The following DSTN variants were observed in gnomAD, a reference collection of about 807,000 sequenced individuals.
The protein encoded by DSTN is destrin, actin depolymerizing factor, also known as destrin.
DSTN carries 10 observed loss-of-function variants against 16.8 expected under a neutral mutation model. The ratio of observed to expected loss-of-function variants is 0.60; its 90% confidence interval spans 0.37 to 1.01. DSTN has a LOEUF of 1.01. DSTN is among the 50% of genes least tolerant of loss of function. The pLI, the probability that DSTN is intolerant of heterozygous loss-of-function variation, is 0.01. For missense variants in DSTN, 141 were observed against 196.7 expected (o/e 0.72, Z 1.69); for synonymous variants, 57 against 58.9 (o/e 0.97, Z 0.14).
intron 1 of DSTN, among the ~76,000 whole-genome samples, chr20:17,574,876 T>G (rs1418867015): frequency 4.7e-5 from 6 of 128,864 alleles, no homozygotes; most frequent in African/African-American, 1.5e-4. Context: ...TTTTGTTTTT[T>G]TTTTTTTTTT....
chr20:17,580,115 T>C (rs1426396655), intron 1 of DSTN, among the ~76,000 whole-genome samples: 1 of 152,236 alleles, frequency 6.6e-6, no homozygotes, highest in East Asian at 1.9e-4. Flanking sequence ...TTCTTTAATA[T>C]TATTTTACTT....
intron 1 of DSTN, among the ~76,000 whole-genome samples, chr20:17,592,381 G>T (rs991092918): frequency 6.8e-6 from 1 of 147,418 alleles, no homozygotes; most frequent in African/African-American, 2.5e-5. Context: ...AGTGAGCCAT[G>T]ATCACATCAC....
chr20:17,604,565 C>G lies in DSTN; in HGVS notation c.322C>G (p.Leu108Val), dbSNP rs777528351. 2 of 1,611,794 alleles carry G rather than the reference C, an allele frequency of 1.2e-6. No homozygotes were observed. Among genetic ancestry groups the G allele is most frequent in the Non-Finnish European group, 1.7e-6 (2 of 1,179,508 alleles). ...ELMFFLWAPE[L>V]APLKSKMIYA... ...CATCTTTCTATCTAGGGCACCAGAA[C>G]TAGCACCTCTGAAAAGTAAAATGAT... The change falls in exon 3 of 4, where the codon CTA (leucine) becomes GTA (valine). Residue 108 changes from leucine (L) to valine (V), a missense_variant. By Grantham distance (32) the Leu-to-Val change is conservative (BLOSUM62 1). Transcript: ENST00000246069.
chr20:17,570,159 C>A lies in DSTN; in HGVS notation c.-50C>A. The A allele has an allele frequency of 6.6e-7, 1 of 1,517,030 alleles. No homozygotes were observed. The highest frequency in any genetic ancestry group is 8.8e-7 in the Non-Finnish European group (1 of 1,136,648). 94.0% of individuals were successfully genotyped at this position (1,517,030 alleles called of 1,614,324 possible). On this transcript the variant is annotated 5_prime_UTR_variant, in exon 1 of 4. Coordinates refer to ENST00000246069, the MANE Select transcript of DSTN (RefSeq NM_006870.4). ...CCGTGAGGAGGACGGTCTGCATACT[C>A]GCTGCCCGCCGGCTCCCTCCCCCGC...
At chr20:17,597,672 G>A (rs537823903) in intron 1 of DSTN, among the ~76,000 whole-genome samples, 2 of 152,244 alleles carry the variant, frequency 1.3e-5, no homozygotes, top group Non-Finnish European at 2.9e-5. Flanking sequence ...TCCTAAGTGC[G>A]AACACATGGT....
At chr20:17,587,822 G>C (rs1396266382) in intron 1 of DSTN, among the ~76,000 whole-genome samples, 1 of 151,904 alleles carries the variant, frequency 6.6e-6, no homozygotes, top group Non-Finnish European at 1.5e-5. Flanking sequence ...ATACTACTTT[G>C]GTATTAACAG....
chr20:17,595,948 G>A (rs1210790330), intron 1 of DSTN, among the ~76,000 whole-genome samples: 1 of 151,658 alleles, frequency 6.6e-6, no homozygotes, highest in East Asian at 1.9e-4. Flanking sequence ...TTTCTTCATT[G>A]TTAACCATCT....
At chr20:17,579,586 C>G (rs1037418378) in intron 1 of DSTN, among the ~76,000 whole-genome samples, 18 of 151,872 alleles carry the variant, frequency 1.2e-4, no homozygotes, top group African/African-American at 4.1e-4. Context: ...CTGATCCCCC[C>G]AAAAAAAGCA....
chr20:17,602,269 AG>A (rs1173005212), intron 2 of DSTN, among the ~76,000 whole-genome samples: 3 of 152,212 alleles, frequency 2.0e-5, no homozygotes, highest in Non-Finnish European at 4.4e-5. Context: ...ATTTGAATGA[AG>A]GTGCATTTAC....
At chr20:17,593,062 C>T (rs2035487288) in intron 1 of DSTN, among the ~76,000 whole-genome samples, 1 of 152,216 alleles carries the variant, frequency 6.6e-6, no homozygotes, top group Non-Finnish European at 1.5e-5. Flanking sequence ...CTGTTGGAGG[C>T]CTTTTCCATC....
In DSTN at chr20:17,578,696, C is replaced by T. The variant is rs150326657; in HGVS notation, c.3+8485C>T. On this transcript the variant is annotated intron_variant, in intron 1 of 3. Coordinates refer to ENST00000246069, the MANE Select transcript of DSTN (RefSeq NM_006870.4). ...CAAGAAGTGGCCGGGCGTGGTGGCT[C>T]ACGCCTGTTATCCCAGCACTTCGGG... Among the ~76,000 whole-genome samples the T allele has an allele frequency of 2.0e-3, 299 of 152,274 alleles. 1 individual carries two copies. The highest frequency in any genetic ancestry group is 8.6e-3 in the Admixed American group (131 of 15,288).
intron 1 of DSTN, among the ~76,000 whole-genome samples, chr20:17,584,540 T>G (rs2035385167): frequency 6.6e-6 from 1 of 151,470 alleles, no homozygotes; most frequent in Admixed American, 6.6e-5. Flanking sequence ...TAATCCCAGC[T>G]ACTCGGGAGG....
chr20:17,598,750 T>G (rs2035553931), intron 1 of DSTN, among the ~76,000 whole-genome samples: 1 of 152,180 alleles, frequency 6.6e-6, no homozygotes, highest in Non-Finnish European at 1.5e-5. Flanking sequence ...TTGCTTATGA[T>G]TCATTTTTCC....
At position 17,608,708 on chromosome 20, in the gene DSTN, G is replaced by A. The variant is rs2122217684; in HGVS notation, c.*1562G>A. On this transcript the variant is annotated 3_prime_UTR_variant, in exon 4 of 4. Coordinates refer to ENST00000246069, the MANE Select transcript of DSTN (RefSeq NM_006870.4). ...GTTTTCAATGTTTATTACACTATAA[G>A]TGTAATAAATATTATACAAAATTAT... is the stretch of plus-strand genomic sequence containing the variant. The A allele has an allele frequency of 6.6e-6, 1 of 151,408 alleles. No homozygotes were observed. Among genetic ancestry groups the A allele is most frequent in the Non-Finnish European group, 1.5e-5 (1 of 67,954 alleles). The allele number at this position is 151,408 out of a possible 1,614,324, so 9.4% of individuals were successfully genotyped here.
At chr20:17,605,533 T>C (rs951174587) in intron 3 of DSTN, among the ~76,000 whole-genome samples, 3 of 152,210 alleles carry the variant, frequency 2.0e-5, no homozygotes, top group African/African-American at 7.2e-5. Context: ...TGCCCTAGCC[T>C]GTTTTACTTA....
chr20:17,571,975 T>G, intron 1 of DSTN, among the ~76,000 whole-genome samples: 1 of 152,164 alleles, frequency 6.6e-6, no homozygotes, highest in East Asian at 1.9e-4. Flanking sequence ...AGACCCCCCA[T>G]TTTTAAAGGT....
At chr20:17,580,742 C>A (rs1448139091) in intron 1 of DSTN, among the ~76,000 whole-genome samples, 5 of 149,728 alleles carry the variant, frequency 3.3e-5, no homozygotes, top group African/African-American at 1.2e-4. Context: ...GAGTGAAACT[C>A]CGTCTCAAAA....
intron 1 of DSTN, among the ~76,000 whole-genome samples, chr20:17,598,956 T>G (rs1458421138): frequency 3.3e-5 from 5 of 152,160 alleles, no homozygotes; most frequent in Non-Finnish European, 5.9e-5. Context: ...GACCCAACAA[T>G]TCCACTCCTA....
At chr20:17,579,024 CT>C (rs2035313535) in intron 1 of DSTN, among the ~76,000 whole-genome samples, 1 of 149,628 alleles carries the variant, frequency 6.7e-6, no homozygotes, top group Admixed American at 6.6e-5. Flanking sequence ...AAGTATTTAC[CT>C]TATCTCATTC....
Sources: gnomAD v4.1 joint callset for allele counts (sites outside exome capture counted in the v4.1 genomes callset) on GRCh38, gnomAD v4.1.1 for gene constraint, MANE v1.5 for transcripts, NCBI Gene and HGNC (gene_info 2026-07-23, HGNC 2026-07-21) for gene names.